Variants in PRDM16 observed in about 807,000 individuals in gnomAD.
PRDM16 encodes PR/SET domain 16, also known as histone-lysine N-methyltransferase PRDM16.
PRDM16 carries 23 observed loss-of-function variants against 110.6 expected under a neutral mutation model. The ratio of observed to expected loss-of-function variants is 0.21; its 90% CI spans 0.15 to 0.29. The LOEUF is 0.29. Among genes scored for constraint, PRDM16 ranks in the 10% least tolerant of loss-of-function variants. PRDM16 has a pLI of 1.00. For synonymous variants in PRDM16, 799 were observed against 781.8 expected (o/e 1.02, Z -0.37); for missense variants, 1,615 against 1,794.3 (o/e 0.90, Z 1.81).
rs906348026 is a variant in PRDM16, at chr1:3,190,570, CTGTG to C, written c.387+4103_387+4106del. Among the ~76,000 whole-genome samples the C allele has an allele frequency of 6.6e-5, 10 of 152,148 alleles. No individual in the cohort carries two copies. Among genetic ancestry groups the C allele is most frequent in the Admixed American group, 5.2e-4 (8 of 15,280 alleles). ...ACCTGGGGGCTCACTCTGTGCATGGCTGTGTGTGTGCCCCAGGGGTGTGTGGAAA... is the reference window on the plus strand; with the variant it reads ...ACCTGGGGGCTCACTCTGTGCATGGCTGTGTGCCCCAGGGGTGTGTGGAAA... On this transcript the variant is annotated intron_variant, in intron 2 of 16. Coordinates refer to ENST00000270722, the MANE Select transcript of PRDM16 (RefSeq NM_022114.4). The surrounding 1 kb of genome is among the most constrained non-coding windows in gnomAD (Gnocchi z 5.0).
At chr1:3,295,906 C>T (rs1403904808) in intron 3 of PRDM16, among the ~76,000 whole-genome samples, 4 of 152,132 alleles carry the variant, frequency 2.6e-5, no homozygotes, top group African/African-American at 7.2e-5. Flanking sequence ...GGCGTGACAC[C>T]TCTGCCCCCA....
At chr1:3,331,092 C>T (rs1454998495) in intron 3 of PRDM16, among the ~76,000 whole-genome samples, 2 of 152,244 alleles carry the variant, frequency 1.3e-5, no homozygotes, top group Non-Finnish European at 2.9e-5. Flanking sequence ...AAGGGAGGGG[C>T]CGCCAGCCCA....
chr1:3,266,056 C>T (rs990152858), intron 3 of PRDM16, among the ~76,000 whole-genome samples: 2 of 152,210 alleles, frequency 1.3e-5, no homozygotes, highest in East Asian at 3.9e-4. Context: ...GGGCGGTGTG[C>T]GGCCGGTCGC....
chr1:3,417,856 A>G lies in PRDM16; in HGVS notation c.2720A>G (p.Lys907Arg), dbSNP rs1013972740. 3.1e-6 allele frequency: 5 copies of G among 1,613,848 alleles called. No homozygotes were observed. The highest frequency in any genetic ancestry group is 4.2e-6 in the Non-Finnish European group (5 of 1,179,964). The change falls in exon 11 of 17, where the codon AAG becomes AGG. Residue 907 changes from lysine (K) to arginine (R), a missense_variant. Lys to Arg is a conservative substitution (Grantham distance 26). Coordinates refer to ENST00000270722, the MANE Select transcript of PRDM16 (RefSeq NM_022114.4). Reference sequence around the variant, plus strand: ...TCAGCCATAGAGACCATGACAGAGAAGCTGGAGAGCTTTGCAGCCATGAAG... The same window carrying G: ...TCAGCCATAGAGACCATGACAGAGAGGCTGGAGAGCTTTGCAGCCATGAAG... Reference protein sequence around the residue: ...QMSAIETMTEKLESFAAMKAD... With the variant: ...QMSAIETMTERLESFAAMKAD...
intron 15 of PRDM16, among the ~76,000 whole-genome samples, chr1:3,431,738 C>T (rs1442131337): frequency 6.6e-6 from 1 of 152,252 alleles, no homozygotes; most frequent in Non-Finnish European, 1.5e-5. Context: ...CTGCCTGATG[C>T]GTGTGCACGC....
chr1:3,317,994 G>T (rs1641651083), intron 3 of PRDM16, among the ~76,000 whole-genome samples: 1 of 152,210 alleles, frequency 6.6e-6, no homozygotes, highest in Non-Finnish European at 1.5e-5. Flanking sequence ...CAATAAAGAA[G>T]GGTTTGAGAG....
At chr1:3,179,695 C>T (rs996828747) in intron 1 of PRDM16, among the ~76,000 whole-genome samples, 4 of 152,070 alleles carry the variant, frequency 2.6e-5, no homozygotes, top group African/African-American at 7.2e-5. Flanking sequence ...CTCTCAAGGC[C>T]GGGCACCTGC....
intron 16 of PRDM16, 63 bp downstream of exon 16, chr1:3,432,203 C>A: frequency 6.8e-7 from 1 of 1,472,818 alleles, no homozygotes; most frequent in Non-Finnish European, 9.4e-7. Flanking sequence ...GGACAGCCAG[C>A]ACTCCTCTCC....
At chr1:3,084,574 G>A (rs900894358) in intron 1 of PRDM16, among the ~76,000 whole-genome samples, 1 of 152,172 alleles carries the variant, frequency 6.6e-6, no homozygotes, top group Non-Finnish European at 1.5e-5. Context: ...CGAAATTCGA[G>A]GTGCAGCCCC....
intron 3 of PRDM16, among the ~76,000 whole-genome samples, chr1:3,259,435 T>C (rs919207025): frequency 6.6e-6 from 1 of 152,110 alleles, no homozygotes; most frequent in African/African-American, 2.4e-5. Context: ...CAAGGGATGA[T>C]CTTAGGGCAC....
chr1:3,267,118 C>T (rs1359822273), intron 3 of PRDM16, among the ~76,000 whole-genome samples: 2 of 152,192 alleles, frequency 1.3e-5, no homozygotes, highest in African/African-American at 2.4e-5. Context: ...CTGTCTAGTT[C>T]TGGAGCATCT....
Position 3,411,706 on chromosome 1 carries a change from G to C in PRDM16, c.1509G>C (p.Ala503=). The change falls in exon 9 of 17, where the codon GCG becomes GCC. Residue 503 remains alanine, a synonymous_variant. Coordinates refer to ENST00000270722, the MANE Select transcript of PRDM16 (RefSeq NM_022114.4). ...CGGGGAGCCTGCCCTTCTCCACGGC[G>C]CCTCCCACGTTCCCCGCACTCACCC... ...PHPGSLPFST[A]PPTFPALTPG... 1 of 1,609,870 alleles carries C rather than the reference G, an allele frequency of 6.2e-7. No individual in the cohort carries two copies. Among genetic ancestry groups the C allele is most frequent in the East Asian group, 2.2e-5 (1 of 44,780 alleles).
rs1313958309 is a variant in PRDM16 at position 3,418,870 on chromosome 1, C to G, written c.2939+126C>G. 6.8e-6 allele frequency: 5 copies of G among 733,694 alleles called. No homozygotes were observed. The East Asian group carries it at 1.3e-4, about 20-fold the overall frequency. The allele number at this position is 733,694 out of a possible 1,614,324, so 45.4% of individuals were successfully genotyped here. ...TGGAGTGAGCAGGCAGTGGGCAGGG[C>G]CGGGTGCTGAATTCTGGTCACTCTG... On this transcript the variant is annotated intron_variant, in intron 12 of 16. Transcript: ENST00000270722.
chr1:3,111,531 C>G (rs1569577185), intron 1 of PRDM16, among the ~76,000 whole-genome samples: 1 of 139,352 alleles, frequency 7.2e-6, no homozygotes. Flanking sequence ...AAGGGGAGAG[C>G]GGAGGGAAAG....
Position 3,425,396 on chromosome 1 carries a change from G to T in PRDM16, c.2940-185G>T. ...TCTTGAAGCCGGGGCTGTTTCTAGG[G>T]ACAGCTTCCCCAGGATGCCTTTGGC... On this transcript the variant is annotated intron_variant, in intron 12 of 16. Coordinates refer to ENST00000270722, the MANE Select transcript of PRDM16 (RefSeq NM_022114.4). This position sits in a 1 kb window ranked among gnomAD's most constrained non-coding sequence, Gnocchi z 6.9. 1.7e-6 allele frequency: 1 copy of T among 595,354 alleles called. No homozygotes were observed. Among genetic ancestry groups the T allele is most frequent in the South Asian group, 2.1e-5 (1 of 47,072 alleles). 36.9% of individuals were successfully genotyped at this position (595,354 alleles called of 1,614,324 possible).
Position 3,244,020 on chromosome 1 carries a change from T to G in PRDM16, c.388-67T>G, listed in dbSNP as rs1036610064. ...GGACAGTGGTTCTGCCCCCACCATT[T>G]AGAACCCAGTGTAGCTTGAGAATGT... On this transcript the variant is annotated intron_variant, in intron 2 of 16. Transcript: ENST00000270722. This position sits in a 1 kb window ranked among gnomAD's most constrained non-coding sequence, Gnocchi z 4.1. The G allele has an allele frequency of 7.8e-6, 12 of 1,534,106 alleles. No homozygotes were observed. In the East Asian group the frequency reaches 2.7e-4, roughly 35 times the overall value.
chr1:3,125,773 T>C (rs1308240707), intron 1 of PRDM16, among the ~76,000 whole-genome samples: 3 of 152,240 alleles, frequency 2.0e-5, no homozygotes, highest in African/African-American at 7.2e-5. Flanking sequence ...CCACTACGCC[T>C]GGCCCCTCGG....
chr1:3,414,307 A>C (rs930520037), intron 9 of PRDM16, among the ~76,000 whole-genome samples: 3 of 152,258 alleles, frequency 2.0e-5, no homozygotes, highest in East Asian at 3.9e-4. Context: ...TGAGGGAACC[A>C]CTGAGGGAGA....
At chr1:3,293,182 A>G (rs1557586786) in intron 3 of PRDM16, among the ~76,000 whole-genome samples, 2 of 152,206 alleles carry the variant, frequency 1.3e-5, no homozygotes, top group Non-Finnish European at 2.9e-5. Flanking sequence ...ATTTGGGCAG[A>G]GTTACCAGCA....
Sources: gnomAD v4.1 joint callset for allele counts (sites outside exome capture counted in the v4.1 genomes callset) on GRCh38, gnomAD v4.1.1 for gene constraint, Gnocchi (gnomAD v3.1) non-coding constraint, MANE v1.5 for transcripts, NCBI Gene and HGNC (gene_info 2026-07-23, HGNC 2026-07-21) for gene names.